Variants in ATP8A1 observed in about 807,000 individuals in gnomAD.
ATP8A1 encodes the protein ATPase phospholipid transporting 8A1, also known as phospholipid-transporting ATPase IA.
A neutral mutation model predicts 177.7 loss-of-function variants in ATP8A1; 90 were observed. That is an observed-to-expected ratio of 0.51 (90% CI 0.43 to 0.60). The LOEUF is 0.60. Ranked by LOEUF, ATP8A1 falls within the 20% of genes least tolerant of loss-of-function variation. The pLI is 0.00. For missense variants in ATP8A1, 1,072 were observed against 1,392.8 expected (o/e 0.77, Z 3.67); for synonymous variants, 493 against 485.9 (o/e 1.01, Z -0.19).
rs1052139519 is a variant in ATP8A1, at chr4:42,595,314, T to A, written c.451-4430A>T. ...ATAGTGTCTTTTGTGGGAATCATAA[T>A]AAGAAATTACTGCAGAGGCAGCCCA... On this transcript the variant is annotated intron_variant, in intron 6 of 36. Transcript: ENST00000381668. 2.6e-5 allele frequency among the ~76,000 whole-genome samples: 4 copies of A among 152,168 alleles called. No individual in the cohort carries two copies. The East Asian group carries it at 7.7e-4, about 29-fold the overall frequency.
intron 5 of ATP8A1, 59 bp downstream of exon 5, chr4:42,615,974 T>A: frequency 6.8e-7 from 1 of 1,464,632 alleles, no homozygotes. Flanking sequence ...AATTGAAGTG[T>A]TTGTATATAC....
At chr4:42,552,945 C>T (rs1018705319) in intron 16 of ATP8A1, among the ~76,000 whole-genome samples, 16 of 152,172 alleles carry the variant, frequency 1.1e-4, no homozygotes, top group African/African-American at 3.6e-4. Context: ...GAGATTGCAA[C>T]ATTGTACTCT....
chr4:42,617,327 C>T (rs1031493920), intron 4 of ATP8A1, among the ~76,000 whole-genome samples: 3 of 152,196 alleles, frequency 2.0e-5, no homozygotes, highest in Non-Finnish European at 4.4e-5. Flanking sequence ...TCTTCCCACA[C>T]AGACATGCAG....
chr4:42,529,643 C>T (rs1727060726), intron 20 of ATP8A1, among the ~76,000 whole-genome samples: 1 of 152,194 alleles, frequency 6.6e-6, no homozygotes, highest in Non-Finnish European at 1.5e-5. Context: ...GGGGAGTTCC[C>T]TATGATCCAG....
chr4:42,456,836 C>T (rs1422611640), intron 27 of ATP8A1, among the ~76,000 whole-genome samples: 1 of 152,180 alleles, frequency 6.6e-6, no homozygotes, highest in Non-Finnish European at 1.5e-5. Context: ...TGCTACACTT[C>T]ACGTTTCATT....
rs368443741 is a variant in ATP8A1, at chr4:42,430,480, C to CT, written c.3124-6776dup. Among the ~76,000 whole-genome samples, 961 of 145,492 alleles carry CT rather than the reference C, an allele frequency of 6.6e-3. 3 individuals carry two copies. The highest frequency in any genetic ancestry group is 7.8e-3 in the Non-Finnish European group (518 of 66,288). On this transcript the variant is annotated intron_variant, in intron 33 of 36. Transcript: ENST00000381668. Reference sequence around the variant, plus strand: ...TCTCCGAAGGCCAGCTCGCTAGTGCCTTTTTTTTTTTTCTCCAACTTTTAA... The same window carrying CT: ...TCTCCGAAGGCCAGCTCGCTAGTGCCTTTTTTTTTTTTTCTCCAACTTTTAA...
At chr4:42,419,956 T>C (rs1365919645) in intron 35 of ATP8A1, among the ~76,000 whole-genome samples, 3 of 152,182 alleles carry the variant, frequency 2.0e-5, no homozygotes, top group South Asian at 2.1e-4. Flanking sequence ...TGAGCCGAGA[T>C]TGTGCCATTG....
intron 33 of ATP8A1, among the ~76,000 whole-genome samples, chr4:42,429,294 T>C (rs1714990638): frequency 6.6e-6 from 1 of 152,104 alleles, no homozygotes; most frequent in Non-Finnish European, 1.5e-5. Flanking sequence ...AAAAGCTAAA[T>C]ATGTTAAACT....
chr4:42,620,219 A>C (rs908087222), intron 4 of ATP8A1, among the ~76,000 whole-genome samples: 3 of 152,198 alleles, frequency 2.0e-5, no homozygotes, highest in Non-Finnish European at 4.4e-5. Context: ...TTTGTCCCCC[A>C]TTTTAGAGAG....
intron 6 of ATP8A1, among the ~76,000 whole-genome samples, chr4:42,593,679 T>C (rs985025797): frequency 6.6e-6 from 1 of 152,086 alleles, no homozygotes; most frequent in Non-Finnish European, 1.5e-5. Flanking sequence ...TTTTTAAACC[T>C]AAAACCATTT....
chr4:42,518,202 A>G (rs796143665), intron 22 of ATP8A1, among the ~76,000 whole-genome samples: 18 of 152,368 alleles, frequency 1.2e-4, no homozygotes, highest in African/African-American at 3.8e-4. Context: ...TAATCCTATT[A>G]TAACATTTCC....
chr4:42,641,431 C>T (rs1739984713), intron 1 of ATP8A1, among the ~76,000 whole-genome samples: 1 of 151,972 alleles, frequency 6.6e-6, no homozygotes, highest in Admixed American at 6.5e-5. Context: ...ATATCAGTTA[C>T]TGTGTTGCAT....
At chr4:42,488,344 T>C (rs529274970) in intron 24 of ATP8A1, among the ~76,000 whole-genome samples, 1 of 151,976 alleles carries the variant, frequency 6.6e-6, no homozygotes, top group African/African-American at 2.4e-5. Context: ...AGTAGTGACA[T>C]CAAAGTGAGA....
rs1006483310 is a variant in ATP8A1 at position 42,462,427 on chromosome 4, C to T, written c.2619+2263G>A. ...GGCTGAAAGGGGCCAACATAGAGTT[C>T]GGGCAGTGGCTTCACAGGGTGCAAG... is the stretch of plus-strand genomic sequence containing the variant. On this transcript the variant is annotated intron_variant, in intron 27 of 36. Transcript: ENST00000381668. 5.3e-5 allele frequency among the ~76,000 whole-genome samples: 8 copies of T among 152,358 alleles called. No individual in the cohort carries two copies. The East Asian group carries it at 5.8e-4, about 11-fold the overall frequency.
intron 6 of ATP8A1, among the ~76,000 whole-genome samples, chr4:42,592,957 A>T (rs539764671): frequency 6.6e-6 from 1 of 152,302 alleles, no homozygotes; most frequent in South Asian, 2.1e-4. Context: ...CAATACATTC[A>T]TCACATTTTT....
chr4:42,594,604 C>G lies in ATP8A1; in HGVS notation c.451-3720G>C, dbSNP rs533900647. 2.0e-5 allele frequency among the ~76,000 whole-genome samples: 3 copies of G among 152,084 alleles called. No homozygotes were observed. The South Asian group carries it at 6.2e-4, about 32-fold the overall frequency. ...TCTTGATAAAATCAATCTATTCTATCCACTTAATTGACACCTTAACTTCTC... is the reference window on the plus strand; with the variant it reads ...TCTTGATAAAATCAATCTATTCTATGCACTTAATTGACACCTTAACTTCTC... On this transcript the variant is annotated intron_variant, in intron 6 of 36. Transcript: ENST00000381668.
chr4:42,618,971 T>C (rs1737182093), intron 4 of ATP8A1, among the ~76,000 whole-genome samples: 1 of 152,234 alleles, frequency 6.6e-6, no homozygotes, highest in African/African-American at 2.4e-5. Flanking sequence ...TTAACATTTA[T>C]TCATCACTTA....
chr4:42,507,807 A>C (rs1055968871), intron 22 of ATP8A1, among the ~76,000 whole-genome samples: 2 of 146,438 alleles, frequency 1.4e-5, no homozygotes, highest in African/African-American at 5.1e-5. Flanking sequence ...AAAAAAAAAA[A>C]AACATACAAA....
At chr4:42,496,216 T>C (rs1578050112) in intron 24 of ATP8A1, among the ~76,000 whole-genome samples, 1 of 151,596 alleles carries the variant, frequency 6.6e-6, no homozygotes, top group Admixed American at 6.6e-5. Flanking sequence ...AGCACGGGGG[T>C]GGGGACATGT....
Sources: allele counts gnomAD v4.1 joint callset (sites outside exome capture counted in the v4.1 genomes callset), GRCh38; gene constraint gnomAD v4.1.1; transcripts MANE v1.5; gene names NCBI Gene and HGNC (gene_info 2026-07-23, HGNC 2026-07-21).